The following RNF182 variants were observed in gnomAD, a reference collection of about 807,000 sequenced individuals.
The protein encoded by RNF182 is E3 ubiquitin-protein ligase RNF182.
In RNF182, 15 loss-of-function variants were observed where a neutral mutation model predicts 14.4. The ratio of observed to expected loss-of-function variants is 1.04; its 90% confidence interval spans 0.70 to 1.60. RNF182 has a LOEUF of 1.60. Ranked by LOEUF, RNF182 falls within the 40% of genes most tolerant of loss-of-function variation. The pLI, the probability that RNF182 is intolerant of heterozygous loss-of-function variation, is 0.00. For missense variants in RNF182, 268 were observed against 294.8 expected, an observed-to-expected ratio of 0.91 and a Z score of 0.67; for synonymous variants, 128 against 122.9, an observed-to-expected ratio of 1.04 and a Z score of -0.27.
chr6:13,939,889 C>A (rs1267047770), intron 1 of RNF182, among the ~76,000 whole-genome samples: 1 of 152,206 alleles, frequency 6.6e-6, no homozygotes, highest in African/African-American at 2.4e-5. Context: ...GATTTTGCTG[C>A]ATTCACTTCT....
chr6:13,954,609 T>A (rs925492648), intron 1 of RNF182, among the ~76,000 whole-genome samples: 3 of 152,142 alleles, frequency 2.0e-5, no homozygotes, highest in African/African-American at 2.4e-5. Flanking sequence ...TATTAGTGTA[T>A]TTTATGTGTT....
intron 1 of RNF182, among the ~76,000 whole-genome samples, chr6:13,960,478 CA>C (rs1168859034): frequency 1.3e-5 from 2 of 152,076 alleles, no homozygotes; most frequent in Non-Finnish European, 2.9e-5. Flanking sequence ...CCCGTCTTTA[CA>C]AAAAACAAAC....
intron 1 of RNF182, among the ~76,000 whole-genome samples, chr6:13,933,094 T>A (rs1759013068): frequency 6.6e-6 from 1 of 152,230 alleles, no homozygotes; most frequent in Admixed American, 6.5e-5. Context: ...GAATTCTTCC[T>A]ATGACACAGA....
chr6:13,954,117 A>G (rs1759670271), intron 1 of RNF182, among the ~76,000 whole-genome samples: 1 of 152,196 alleles, frequency 6.6e-6, no homozygotes, highest in South Asian at 2.1e-4. Flanking sequence ...ACATATGGCC[A>G]ATCTTGCTTC....
In RNF182 at chr6:13,977,203, T is replaced by G; in HGVS notation, c.84T>G (p.Asn28Lys). The change falls in exon 3 of 3, where the codon AAT becomes AAG. Residue 28 changes from asparagine (N) to lysine (K), a missense_variant. Asn to Lys is a moderately conservative substitution (Grantham distance 94). Coordinates refer to ENST00000488300, the MANE Select transcript of RNF182 (RefSeq NM_152737.4). ...GCAAAATCTGTTACAATCGATACAATCTGAAACAGAGGAAACCCAAAGTGC... is the reference window on the plus strand; with the variant it reads ...GCAAAATCTGTTACAATCGATACAAGCTGAAACAGAGGAAACCCAAAGTGC... ...LECKICYNRY[N>K]LKQRKPKVLE... The G allele has an allele frequency of 6.2e-7, 1 of 1,614,116 alleles. No homozygotes were observed. The highest frequency in any genetic ancestry group is 8.5e-7 in the Non-Finnish European group (1 of 1,179,994).
intron 1 of RNF182, among the ~76,000 whole-genome samples, chr6:13,941,134 C>T (rs1759288911): frequency 1.3e-5 from 2 of 151,998 alleles, no homozygotes; most frequent in Admixed American, 1.3e-4. Context: ...TTTCAGTCTG[C>T]TTGTTCTGTC....
At chr6:13,943,282 CTTT>C (rs79895436) in intron 1 of RNF182, among the ~76,000 whole-genome samples, 1 of 142,950 alleles carries the variant, frequency 7.0e-6, no homozygotes, top group Non-Finnish European at 1.5e-5. Context: ...GTGGTTCCTG[CTTT>C]TTTTTTTTTT....
rs1434270212 is a variant in RNF182 at position 13,977,899 on chromosome 6, C to G, written c.*36C>G. On this transcript the variant is annotated 3_prime_UTR_variant, in exon 3 of 3. Transcript: ENST00000488300. ...AAATAAGAAATTGGACACACATTGC[C>G]CTGTTTGAGTGTGAAGTTAGATAAT... The G allele has an allele frequency of 5.2e-6, 8 of 1,548,814 alleles. No individual in the cohort carries two copies. Among genetic ancestry groups the G allele is most frequent in the Non-Finnish European group, 7.0e-6 (8 of 1,147,668 alleles).
intron 1 of RNF182, among the ~76,000 whole-genome samples, chr6:13,929,174 A>G (rs1043654276): frequency 1.3e-5 from 2 of 152,200 alleles, no homozygotes; most frequent in Non-Finnish European, 2.9e-5. Flanking sequence ...ATTTTTCCAC[A>G]TGAGAAATGT....
At chr6:13,950,764 T>C (rs1278120456) in intron 1 of RNF182, among the ~76,000 whole-genome samples, 1 of 151,906 alleles carries the variant, frequency 6.6e-6, no homozygotes, top group Non-Finnish European at 1.5e-5. Flanking sequence ...CCCAAAGTGC[T>C]GAGATTACAG....
chr6:13,973,121 T>C (rs1272387863), intron 1 of RNF182, among the ~76,000 whole-genome samples: 1 of 152,002 alleles, frequency 6.6e-6, no homozygotes, highest in Non-Finnish European at 1.5e-5. Context: ...GAGTCAAAGA[T>C]TTGGCTGCCC....
In RNF182 at chr6:13,933,826, T is replaced by C. The variant is rs1759036916; in HGVS notation, c.-367+8803T>C. ...TGAGGTCGGTAGTTCGAGACCAACCTGGCCAATGTGGTGAAACCCCGTCTC... is the reference window on the plus strand; with the variant it reads ...TGAGGTCGGTAGTTCGAGACCAACCCGGCCAATGTGGTGAAACCCCGTCTC... On this transcript the variant is annotated intron_variant, in intron 1 of 2. Transcript: ENST00000488300. Among the ~76,000 whole-genome samples, 3 of 152,108 alleles carry C rather than the reference T, an allele frequency of 2.0e-5. No individual in the cohort carries two copies. In the South Asian group the frequency reaches 6.2e-4, roughly 32 times the overall value.
chr6:13,966,781 C>A (rs1392783640), intron 1 of RNF182, among the ~76,000 whole-genome samples: 5 of 146,304 alleles, frequency 3.4e-5, no homozygotes, highest in Non-Finnish European at 7.5e-5. Flanking sequence ...CACCCCCCCA[C>A]CAAAAAAAAG....
In RNF182 at chr6:13,940,842, GACA is replaced by G. The variant is rs1759278832; in HGVS notation, c.-367+15820_-367+15822del. Among the ~76,000 whole-genome samples the G allele has an allele frequency of 2.5e-4, 38 of 151,984 alleles. No individual in the cohort carries two copies. The South Asian group carries it at 7.9e-3, about 32-fold the overall frequency. On this transcript the variant is annotated intron_variant, in intron 1 of 2. Coordinates refer to ENST00000488300, the MANE Select transcript of RNF182 (RefSeq NM_152737.4). ...TTTTTTCTTTGACCATAAGTTATTA[GACA>G]TTTATTACTTAATTTCCAACGGTTT...
intron 1 of RNF182, among the ~76,000 whole-genome samples, chr6:13,930,015 T>G (rs1461859558): frequency 6.6e-6 from 1 of 152,220 alleles, no homozygotes; most frequent in Non-Finnish European, 1.5e-5. Flanking sequence ...GTTCCTTAAT[T>G]TATTATTCGT....
intron 1 of RNF182, among the ~76,000 whole-genome samples, chr6:13,967,986 C>T (rs1054145280): frequency 6.6e-6 from 1 of 152,036 alleles, no homozygotes; most frequent in Non-Finnish European, 1.5e-5. Flanking sequence ...AGTGGAAACA[C>T]TATAGTCTTT....
chr6:13,940,566 C>CT lies in RNF182; in HGVS notation c.-367+15551dup, dbSNP rs995584815. 1.5e-4 allele frequency among the ~76,000 whole-genome samples: 22 copies of CT among 151,718 alleles called. No homozygotes were observed. The South Asian group carries it at 3.1e-3, about 22-fold the overall frequency. On this transcript the variant is annotated intron_variant, in intron 1 of 2. Coordinates refer to ENST00000488300, the MANE Select transcript of RNF182 (RefSeq NM_152737.4). ...TATTTTATCAGTGAACTTATTTTGACTTTTTTTTGCTATTGTATGCTTATT... is the reference window on the plus strand; with the variant it reads ...TATTTTATCAGTGAACTTATTTTGACTTTTTTTTTGCTATTGTATGCTTATT...
At chr6:13,934,355 T>C (rs1056772527) in intron 1 of RNF182, among the ~76,000 whole-genome samples, 1 of 152,196 alleles carries the variant, frequency 6.6e-6, no homozygotes, top group African/African-American at 2.4e-5. Flanking sequence ...TGCCCACCAG[T>C]GTTTGAGATA....
At chr6:13,946,893 G>A (rs1177023394) in intron 1 of RNF182, among the ~76,000 whole-genome samples, 1 of 152,156 alleles carries the variant, frequency 6.6e-6, no homozygotes, top group Admixed American at 6.5e-5. Context: ...TAAAGTGTTA[G>A]TATGGTGAAG....
Sources: gnomAD v4.1 joint callset for allele counts (sites outside exome capture counted in the v4.1 genomes callset) on GRCh38, gnomAD v4.1.1 for gene constraint, MANE v1.5 for transcripts, NCBI Gene and HGNC (gene_info 2026-07-23, HGNC 2026-07-21) for gene names.